Variants in GRM7 observed in about 807,000 individuals in gnomAD.
The protein encoded by GRM7 is metabotropic glutamate receptor 7.
Under a neutral mutation model 84.5 loss-of-function variants are expected in GRM7, and 35 were observed. That is an observed-to-expected ratio of 0.41 (90% CI 0.32 to 0.55). The LOEUF (loss-of-function observed/expected upper bound fraction) is 0.55, where lower values mean the gene tolerates loss of function less well. GRM7 is among the 20% of genes least tolerant of loss of function. GRM7 has a pLI of 0.19. For synonymous variants in GRM7, 487 were observed against 455.1 expected (o/e 1.07, Z -0.89); for missense variants, 1,003 against 1,194.6 (o/e 0.84, Z 2.36).
chr3:7,202,295 G>A (rs962688150), intron 2 of GRM7, among the ~76,000 whole-genome samples: 6 of 151,926 alleles, frequency 3.9e-5, no homozygotes, highest in Non-Finnish European at 5.9e-5. Context: ...TCATATTCCC[G>A]ATTCAAAGCA....
At position 7,098,197 on chromosome 3, in the gene GRM7, C is replaced by T. The variant is rs528008033; in HGVS notation, c.520-48255C>T. Among the ~76,000 whole-genome samples, 12 of 152,012 alleles carry T rather than the reference C, an allele frequency of 7.9e-5. No individual in the cohort carries two copies. The South Asian group carries it at 2.1e-3, about 26-fold the overall frequency. Reference sequence around the variant, plus strand: ...TGTGTGTTATGAATGTTGAAATGATCGGCCAGGAAATATAATGTATAGCAT... The same window carrying T: ...TGTGTGTTATGAATGTTGAAATGATTGGCCAGGAAATATAATGTATAGCAT... On this transcript the variant is annotated intron_variant, in intron 1 of 9. Coordinates refer to ENST00000357716, the MANE Select transcript of GRM7 (RefSeq NM_000844.4).
At chr3:7,412,222 T>A (rs773992126) in intron 4 of GRM7, among the ~76,000 whole-genome samples, 1 of 152,194 alleles carries the variant, frequency 6.6e-6, no homozygotes, top group African/African-American at 2.4e-5. Flanking sequence ...AAATGAAGCC[T>A]TGGGTGCCCC....
At chr3:7,213,443 C>T (rs1696496832) in intron 2 of GRM7, among the ~76,000 whole-genome samples, 1 of 152,150 alleles carries the variant, frequency 6.6e-6, no homozygotes, top group Non-Finnish European at 1.5e-5. Flanking sequence ...ATGTTACAGA[C>T]TGAATGAAAA....
chr3:7,353,229 G>T (rs1478437788), intron 4 of GRM7, among the ~76,000 whole-genome samples: 1 of 151,940 alleles, frequency 6.6e-6, no homozygotes, highest in Admixed American at 6.6e-5. Flanking sequence ...TGACTCATGA[G>T]GAAGTATACT....
At chr3:7,469,844 T>C (rs1354698549) in intron 7 of GRM7, among the ~76,000 whole-genome samples, 2 of 152,222 alleles carry the variant, frequency 1.3e-5, no homozygotes, top group African/African-American at 2.4e-5. Flanking sequence ...CAAAATTAAG[T>C]ACTGCTTCCC....
intron 2 of GRM7, among the ~76,000 whole-genome samples, chr3:7,205,032 C>G (rs764078284): frequency 1.3e-5 from 2 of 152,118 alleles, no homozygotes; most frequent in Non-Finnish European, 2.9e-5. Flanking sequence ...TACAGAAGGA[C>G]GGTAGCAGTG....
chr3:7,420,364 T>G (rs1324786604), intron 5 of GRM7, among the ~76,000 whole-genome samples: 1 of 152,188 alleles, frequency 6.6e-6, no homozygotes, highest in East Asian at 1.9e-4. Context: ...CAGCACCTAA[T>G]TTACTTAACA....
Position 6,970,039 on chromosome 3 carries a change from C to T in GRM7, c.519+108132C>T, listed in dbSNP as rs138892608. ...GAAACATTTAACCCCACACACCACC[C>T]GACTGCCTGCACTAAGTGAACTGGG... On this transcript the variant is annotated intron_variant, in intron 1 of 9. Coordinates refer to ENST00000357716, the MANE Select transcript of GRM7 (RefSeq NM_000844.4). Among the ~76,000 whole-genome samples, 9 of 152,274 alleles carry T rather than the reference C, an allele frequency of 5.9e-5. No individual in the cohort carries two copies. The East Asian group carries it at 1.7e-3, about 29-fold the overall frequency.
intron 1 of GRM7, among the ~76,000 whole-genome samples, chr3:7,071,138 G>A (rs1697865134): frequency 6.6e-6 from 1 of 151,942 alleles, no homozygotes; most frequent in Non-Finnish European, 1.5e-5. Context: ...GCTCATCAGG[G>A]GATGGTGGCT....
intron 9 of GRM7, among the ~76,000 whole-genome samples, chr3:7,709,764 T>C (rs1701517835): frequency 6.6e-6 from 1 of 152,208 alleles, no homozygotes; most frequent in African/African-American, 2.4e-5. Flanking sequence ...AGAACTTGTG[T>C]TTCTGGAGTT....
chr3:6,974,219 T>C (rs923630322), intron 1 of GRM7, among the ~76,000 whole-genome samples: 2 of 151,948 alleles, frequency 1.3e-5, no homozygotes, highest in African/African-American at 4.8e-5. Flanking sequence ...AAAGCCGAAA[T>C]GTGTAGCATG....
chr3:6,951,042 C>T (rs1053791944), intron 1 of GRM7, among the ~76,000 whole-genome samples: 1 of 152,160 alleles, frequency 6.6e-6, no homozygotes, highest in Non-Finnish European at 1.5e-5. Flanking sequence ...GGCTCACGCA[C>T]AGTGCGCTGC....
chr3:7,250,386 A>G (rs1016189568), intron 2 of GRM7, among the ~76,000 whole-genome samples: 7 of 40,914 alleles, frequency 1.7e-4, no homozygotes, highest in African/African-American at 7.2e-4. Context: ...TAAATTATTT[A>G]ACTATAGAAA....
chr3:7,031,863 T>C (rs1696197123), intron 1 of GRM7, among the ~76,000 whole-genome samples: 1 of 152,082 alleles, frequency 6.6e-6, no homozygotes, highest in African/African-American at 2.4e-5. Flanking sequence ...TAAATATATA[T>C]GAAAACAAAT....
At chr3:7,299,819 T>G (rs1294078650) in intron 3 of GRM7, among the ~76,000 whole-genome samples, 5 of 152,174 alleles carry the variant, frequency 3.3e-5, no homozygotes, top group Admixed American at 3.3e-4. Context: ...CCTTATTAAT[T>G]GACATGTAAT....
At chr3:7,450,227 C>G (rs1697710297) in intron 5 of GRM7, among the ~76,000 whole-genome samples, 1 of 152,102 alleles carries the variant, frequency 6.6e-6, no homozygotes, top group South Asian at 2.1e-4. Flanking sequence ...TAAAAATACA[C>G]TGTGGTAGCC....
intron 4 of GRM7, among the ~76,000 whole-genome samples, chr3:7,390,409 A>G (rs544705646): frequency 1.3e-5 from 2 of 152,176 alleles, no homozygotes; most frequent in East Asian, 3.9e-4. Context: ...AAGATTGGAG[A>G]AGTTTTCTTA....
rs1460216779 is a variant in GRM7 at position 6,863,292 on chromosome 3, G to T, written c.519+1385G>T. Among the ~76,000 whole-genome samples, 8 of 151,972 alleles carry T rather than the reference G, an allele frequency of 5.3e-5. No homozygotes were observed. On this transcript the variant is annotated intron_variant, in intron 1 of 9. Transcript: ENST00000357716. The surrounding 1 kb of genome is among the most constrained non-coding windows in gnomAD (Gnocchi z 4.8). ...TACCCAAACCTAGTTAATCTCTTCCGCAGATGTACACGCTGATCCTGGCAC... is the reference window on the plus strand; with the variant it reads ...TACCCAAACCTAGTTAATCTCTTCCTCAGATGTACACGCTGATCCTGGCAC...
chr3:7,229,720 C>CATATAT (rs1304811132), intron 2 of GRM7, among the ~76,000 whole-genome samples: 4 of 14,250 alleles, frequency 2.8e-4, no homozygotes, highest in Admixed American at 1.7e-3. Flanking sequence ...TCTCCATAGA[C>CATATAT]ACACACATAT....
Sources: gnomAD v4.1 joint callset for allele counts (sites outside exome capture counted in the v4.1 genomes callset) on GRCh38, gnomAD v4.1.1 for gene constraint, Gnocchi (gnomAD v3.1) non-coding constraint, MANE v1.5 for transcripts, NCBI Gene and HGNC (gene_info 2026-07-23, HGNC 2026-07-21) for gene names.